Variants in FAM131B observed in about 807,000 individuals in gnomAD.
FAM131B encodes the protein family with sequence similarity 131 member B.
FAM131B carries 19 observed loss-of-function variants against 42.0 expected under a neutral mutation model. The observed-to-expected ratio is 0.45, with a 90% confidence interval of 0.32 to 0.66. FAM131B has a LOEUF of 0.66. Ranked by LOEUF, FAM131B falls within the 30% of genes least tolerant of loss-of-function variation. The probability of loss-of-function intolerance (pLI) is 0.05; values close to 1 mark genes in which losing one functional copy is unlikely to be tolerated. For synonymous variants in FAM131B, 183 were observed against 177.6 expected (o/e 1.03, Z -0.24); for missense variants, 370 against 468.4 (o/e 0.79, Z 1.94).
chr7:143,376,275 T>C, the FAM131B span, among the ~76,000 whole-genome samples: 1 of 152,218 alleles, frequency 6.6e-6, no homozygotes, highest in African/African-American at 2.4e-5. Flanking sequence ...TTTTTTCTAA[T>C]CTTAACACTT....
chr7:143,358,778 C>A lies in FAM131B; in HGVS notation c.466+49G>T. 1 of 1,517,536 alleles carries A rather than the reference C, an allele frequency of 6.6e-7. No individual in the cohort carries two copies. The highest frequency in any genetic ancestry group is 1.1e-5 in the South Asian group (1 of 87,124). 94.0% of individuals were successfully genotyped at this position (1,517,536 alleles called of 1,614,324 possible). On this transcript the variant is annotated intron_variant, in intron 5 of 6. Transcript: ENST00000443739. This position sits in a 1 kb window ranked among gnomAD's most constrained non-coding sequence, Gnocchi z 4.7. ...CAGGGGATCAGGTTGGAGGGTCGGTCCCTGGCCATCCTGCAAATGTGTCTC... is the reference window on the plus strand; with the variant it reads ...CAGGGGATCAGGTTGGAGGGTCGGTACCTGGCCATCCTGCAAATGTGTCTC...
chr7:143,382,186 GA>G, the FAM131B span: 3 of 1,415,896 alleles, frequency 2.1e-6, no homozygotes, highest in South Asian at 2.4e-5. Flanking sequence ...GCGGTTAACT[GA>G]GGGGAGCTTG....
At chr7:143,362,815 T>C (rs1804067995), upstream of FAM131B, 2 of 154,124 alleles carry the variant, frequency 1.3e-5, no homozygotes, top group South Asian at 3.7e-4. This position sits in a 1 kb window ranked among gnomAD's most constrained non-coding sequence, Gnocchi z 7.7. Flanking sequence ...CCGCCCCGGC[T>C]CGGCTCGCCG....
the FAM131B span, among the ~76,000 whole-genome samples, chr7:143,378,345 G>T: frequency 6.6e-6 from 1 of 152,114 alleles, no homozygotes; most frequent in African/African-American, 2.4e-5. Flanking sequence ...GTACCTGATG[G>T]TTATAAATCC....
At chr7:143,367,633 A>T (rs1337466223), upstream of FAM131B, among the ~76,000 whole-genome samples, 1 of 152,102 alleles carries the variant, frequency 6.6e-6, no homozygotes, top group Non-Finnish European at 1.5e-5. Flanking sequence ...TGAACCCGGG[A>T]GGTGGAGGTT....
At chr7:143,382,232 C>G in the FAM131B span, 1 of 1,610,118 alleles carries the variant, frequency 6.2e-7, no homozygotes, top group South Asian at 1.1e-5. Flanking sequence ...CGACGTCTTT[C>G]TCCTTCCTAC....
chr7:143,381,722 G>C, the FAM131B span: 3 of 1,599,774 alleles, frequency 1.9e-6, no homozygotes, highest in Admixed American at 1.7e-5. Flanking sequence ...CCCGGCACCC[G>C]GGGCCCAGCG....
At chr7:143,360,367 T>TG in intron 1 of FAM131B, 1 of 1,404,930 alleles carries the variant, frequency 7.1e-7, no homozygotes, top group Non-Finnish European at 9.2e-7. Context: ...AAGTGATGTA[T>TG]GGCCTTATTT....
the FAM131B span, among the ~76,000 whole-genome samples, chr7:143,372,956 A>G: frequency 6.6e-6 from 1 of 152,134 alleles, no homozygotes; most frequent in Non-Finnish European, 1.5e-5. Flanking sequence ...GTAAAACTCC[A>G]TGTCAAAAAC....
At chr7:143,365,727 A>C (rs1351231496), upstream of FAM131B, among the ~76,000 whole-genome samples, 1 of 152,106 alleles carries the variant, frequency 6.6e-6, no homozygotes. Context: ...CTGCCTCCCA[A>C]GCAGATGGAA....
At chr7:143,377,932 T>A in the FAM131B span, among the ~76,000 whole-genome samples, 1 of 152,294 alleles carries the variant, frequency 6.6e-6, no homozygotes, top group East Asian at 1.9e-4. Flanking sequence ...GCCAGGTTGG[T>A]CTTGAACTCC....
chr7:143,368,081 G>C, the FAM131B span, among the ~76,000 whole-genome samples: 79 of 152,310 alleles, frequency 5.2e-4, no homozygotes, highest in Non-Finnish European at 9.8e-4. Flanking sequence ...AAGAATGTCA[G>C]CGCTTTCCTG....
the FAM131B span, among the ~76,000 whole-genome samples, chr7:143,377,440 G>A: frequency 6.6e-6 from 1 of 152,224 alleles, no homozygotes; most frequent in Non-Finnish European, 1.5e-5. Flanking sequence ...ATAAAGTAGG[G>A]GTGTTGGGGT....
At chr7:143,380,614 G>T in the FAM131B span, 1 of 985,510 alleles carries the variant, frequency 1.0e-6, no homozygotes, top group Non-Finnish European at 1.2e-6. This position sits in a 1 kb window ranked among gnomAD's most constrained non-coding sequence, Gnocchi z 5.0. Flanking sequence ...CAACCGATCT[G>T]CTGGCTGGGG....
At chr7:143,381,552 C>T in the FAM131B span, 3 of 1,605,862 alleles carry the variant, frequency 1.9e-6, no homozygotes, top group Admixed American at 1.7e-5. Flanking sequence ...GGCGACCCAC[C>T]CCAGCAGCCC....
the FAM131B span, among the ~76,000 whole-genome samples, chr7:143,375,287 C>CACTGGAACAACTTT: frequency 6.6e-6 from 1 of 152,160 alleles, no homozygotes; most frequent in African/African-American, 2.4e-5. Context: ...TTCTTAGGCA[C>CACTGGAACAACTTT]ACTGGAACAA....
chr7:143,380,584 G>A, the FAM131B span: 6 of 985,512 alleles, frequency 6.1e-6, 1 homozygote, highest in African/African-American at 7.0e-5. This position sits in a 1 kb window ranked among gnomAD's most constrained non-coding sequence, Gnocchi z 5.0. Flanking sequence ...CGGCCCCGCG[G>A]ACCCGAACGG....
At position 143,359,488 on chromosome 7, in the gene FAM131B, G is replaced by A; in HGVS notation, c.175-69C>T. ...ACGGGCGTGCTTTATACATGGAGGA[G>A]GTTCATGGTTTCCAGGAAAAAGCAT... is the stretch of plus-strand genomic sequence containing the variant. On this transcript the variant is annotated intron_variant, in intron 3 of 6. Coordinates refer to ENST00000443739, the MANE Select transcript of FAM131B (RefSeq NM_001031690.3). The surrounding 1 kb of genome is among the most constrained non-coding windows in gnomAD (Gnocchi z 5.4). The A allele has an allele frequency of 8.0e-7, 1 of 1,243,182 alleles. No homozygotes were observed. Among genetic ancestry groups the A allele is most frequent in the Non-Finnish European group, 1.2e-6 (1 of 853,444 alleles). 77.0% of individuals were successfully genotyped at this position (1,243,182 alleles called of 1,614,324 possible).
At position 143,359,492 on chromosome 7, in the gene FAM131B, C is replaced by T. The variant is rs750842928; in HGVS notation, c.175-73G>A. Reference sequence around the variant, plus strand: ...GCGTGCTTTATACATGGAGGAGGTTCATGGTTTCCAGGAAAAAGCATTCGA... The same window carrying T: ...GCGTGCTTTATACATGGAGGAGGTTTATGGTTTCCAGGAAAAAGCATTCGA... On this transcript the variant is annotated intron_variant, in intron 3 of 6. Coordinates refer to ENST00000443739, the MANE Select transcript of FAM131B (RefSeq NM_001031690.3). The surrounding 1 kb of genome is among the most constrained non-coding windows in gnomAD (Gnocchi z 5.4). The T allele has an allele frequency of 8.1e-7, 1 of 1,228,734 alleles. No individual in the cohort carries two copies. The highest frequency in any genetic ancestry group is 1.3e-5 in the South Asian group (1 of 79,638). The allele number at this position is 1,228,734 out of a possible 1,614,324, so 76.1% of individuals were successfully genotyped here. A position where few individuals can be genotyped will look rare whatever the true frequency, so the allele number is the denominator to read the frequency against.
Sources: gnomAD v4.1 joint callset for allele counts (sites outside exome capture counted in the v4.1 genomes callset) on GRCh38, gnomAD v4.1.1 for gene constraint, Gnocchi (gnomAD v3.1) non-coding constraint, MANE v1.5 for transcripts, NCBI Gene and HGNC (gene_info 2026-07-23, HGNC 2026-07-21) for gene names.